Variants in ZNF85 observed in about 807,000 individuals in gnomAD.
The protein encoded by ZNF85 is zinc finger protein 85, also known as zinc finger protein 85 (HPF4, HTF1).
In ZNF85, 50 loss-of-function variants were observed where a neutral mutation model predicts 53.9. The observed-to-expected ratio is 0.93, with a 90% CI of 0.74 to 1.17. ZNF85 has a LOEUF of 1.17. Among genes scored for constraint, ZNF85 ranks in the 50% most tolerant of loss-of-function variants. ZNF85 has a pLI of 0.00. For missense variants in ZNF85, 747 were observed against 688.5 expected (o/e 1.08, Z -0.95); for synonymous variants, 225 against 226.1 (o/e 1.00, Z 0.04).
In ZNF85 at chr19:20,950,294, CA is replaced by C; in HGVS notation, c.1783del (p.Ile595TyrfsTer27). The part of the protein sequence containing the change: ...HKIIHTGEKL[Q>X]I Reference sequence around the variant, plus strand: ...GATAATTCATACCGGAGAAAAATTACAAATATGAAAATTATGGCAAAGCTTT... The same window carrying C: ...GATAATTCATACCGGAGAAAAATTACAATATGAAAATTATGGCAAAGCTTT... On this transcript the variant is annotated frameshift_variant, in exon 4 of 4. Coordinates refer to ENST00000328178, the MANE Select transcript of ZNF85 (RefSeq NM_003429.5). LOFTEE classifies it high-confidence loss of function. 2 of 1,519,612 alleles carry C rather than the reference CA, an allele frequency of 1.3e-6. No individual in the cohort carries two copies. The highest frequency in any genetic ancestry group is 8.8e-7 in the Non-Finnish European group (1 of 1,136,994). 94.1% of individuals were successfully genotyped at this position (1,519,612 alleles called of 1,614,324 possible). A position where few individuals can be genotyped will look rare whatever the true frequency, so the allele number is the denominator to read the frequency against.
At chr19:20,925,065 G>A (rs1389148833) in intron 1 of ZNF85, among the ~76,000 whole-genome samples, 1 of 152,174 alleles carries the variant, frequency 6.6e-6, no homozygotes, top group Non-Finnish European at 1.5e-5. Context: ...CCTGAGGTAT[G>A]AAGTGTATCC....
intron 3 of ZNF85, among the ~76,000 whole-genome samples, chr19:20,944,642 CTA>C (rs773078588): frequency 1.4e-4 from 21 of 147,996 alleles, no homozygotes; most frequent in Non-Finnish European, 2.9e-4. Flanking sequence ...CTATATTATT[CTA>C]TGATTTTTTT....
chr19:20,923,640 T>C (rs74183002), intron 1 of ZNF85, among the ~76,000 whole-genome samples: 14,041 of 152,206 alleles, frequency 0.092, 787 homozygotes, highest in Non-Finnish European at 0.12. Context: ...GAGCCCTCTC[T>C]GGGCAGCTCT....
chr19:20,947,402 G>C (rs1973446625), intron 3 of ZNF85, among the ~76,000 whole-genome samples: 2 of 147,180 alleles, frequency 1.4e-5, no homozygotes, highest in Non-Finnish European at 3.0e-5. Context: ...AGAAAGTTAT[G>C]CATTTTTATG....
At chr19:20,925,385 A>T (rs948227404) in intron 1 of ZNF85, among the ~76,000 whole-genome samples, 4 of 147,310 alleles carry the variant, frequency 2.7e-5, no homozygotes, top group African/African-American at 1.0e-4. Flanking sequence ...TGAACCCGGG[A>T]GGTGGAGGTT....
chr19:20,946,184 A>G (rs1403068674), intron 3 of ZNF85: 1 of 200,292 alleles, frequency 5.0e-6, no homozygotes, highest in East Asian at 1.5e-4. Flanking sequence ...TACATTGAGC[A>G]GTATGAACAT....
chr19:20,926,373 A>C (rs10416168), intron 1 of ZNF85, among the ~76,000 whole-genome samples: 65,408 of 151,946 alleles, frequency 0.43, 14,668 homozygotes, highest in East Asian at 0.56. Context: ...AAATAATAAA[A>C]TAATACATTT....
chr19:20,946,516 A>G (rs1308794875), intron 3 of ZNF85: 1 of 222,692 alleles, frequency 4.5e-6, no homozygotes, highest in Non-Finnish European at 8.9e-6. Flanking sequence ...TGTTTCATCG[A>G]TTCTGTCAAT....
intron 3 of ZNF85, among the ~76,000 whole-genome samples, chr19:20,946,575 C>T (rs761198449): frequency 8.7e-5 from 13 of 149,370 alleles, no homozygotes; most frequent in Non-Finnish European, 1.3e-4. Context: ...CACATGCACA[C>T]ACACACACAC....
chr19:20,946,294 T>TAACA (rs763472016), intron 3 of ZNF85: 7 of 404,316 alleles, frequency 1.7e-5, no homozygotes, highest in South Asian at 1.3e-4. Flanking sequence ...TTTTTTGTCC[T>TAACA]AACAGGTTGT....
At chr19:20,925,264 A>G (rs1029997825) in intron 1 of ZNF85, among the ~76,000 whole-genome samples, 1 of 151,958 alleles carries the variant, frequency 6.6e-6, no homozygotes, top group Non-Finnish European at 1.5e-5. Flanking sequence ...TGAGACCAGC[A>G]TGGCCAATAT....
At position 20,950,376 on chromosome 19, in the gene ZNF85, T is replaced by A; in HGVS notation, c.*74T>A. The A allele has an allele frequency of 9.6e-7, 1 of 1,045,646 alleles. No homozygotes were observed. The highest frequency in any genetic ancestry group is 1.3e-6 in the Non-Finnish European group (1 of 742,182). 64.8% of individuals were successfully genotyped at this position (1,045,646 alleles called of 1,614,324 possible). ...AAAATTTATACTGGAGAGAAACTAC[T>A]AACCTGAAAGATGTGACAATAATTT... On this transcript the variant is annotated 3_prime_UTR_variant, in exon 4 of 4. Coordinates refer to ENST00000328178, the MANE Select transcript of ZNF85 (RefSeq NM_003429.5).
In ZNF85 at chr19:20,927,175, T is replaced by C. The variant is rs377187470; in HGVS notation, c.3+3772T>C. The C allele has an allele frequency of 1.6e-4, 24 of 152,306 alleles. 1 individual carries two copies. Among genetic ancestry groups the C allele is most frequent in the African/African-American group, 5.5e-4 (23 of 41,570 alleles). The allele number at this position is 152,306 out of a possible 1,614,324, so 9.4% of individuals were successfully genotyped here. A position where few individuals can be genotyped will look rare whatever the true frequency, so the allele number is the denominator to read the frequency against. On this transcript the variant is annotated intron_variant, in intron 1 of 3. Transcript: ENST00000328178. ...GTTTGATTAAGAAGTATTTTATTTC[T>C]GTGCGTGGTGGCTCACACCTGTAAT...
intron 1 of ZNF85, 94 bp downstream of exon 1, chr19:20,923,497 A>T (rs1027753212): frequency 1.9e-6 from 3 of 1,592,724 alleles, no homozygotes; most frequent in African/African-American, 2.7e-5. Context: ...CCCTGTAGTC[A>T]GCTCCACAAT....
chr19:20,924,235 T>TA lies in ZNF85; in HGVS notation c.3+839dup, dbSNP rs943357350. Reference sequence around the variant, plus strand: ...TAAAAGACTTTTATAAGGTGCATGATAAAAAAATCAAATTAGTAATTGGTT... The same window carrying TA: ...TAAAAGACTTTTATAAGGTGCATGATAAAAAAAATCAAATTAGTAATTGGTT... On this transcript the variant is annotated intron_variant, in intron 1 of 3. Coordinates refer to ENST00000328178, the MANE Select transcript of ZNF85 (RefSeq NM_003429.5). Among the ~76,000 whole-genome samples, 24 of 152,244 alleles carry TA rather than the reference T, an allele frequency of 1.6e-4. No homozygotes were observed. In the South Asian group the frequency reaches 2.7e-3, roughly 17 times the overall value.
chr19:20,924,974 C>T (rs187040353), intron 1 of ZNF85, among the ~76,000 whole-genome samples: 9 of 152,084 alleles, frequency 5.9e-5, no homozygotes, highest in Admixed American at 2.6e-4. Context: ...GGGGATAAAC[C>T]AGGATGCCCA....
At chr19:20,943,899 A>C (rs1382330900) in intron 3 of ZNF85, 1 of 155,430 alleles carries the variant, frequency 6.4e-6, no homozygotes, top group Non-Finnish European at 1.4e-5. Flanking sequence ...TAAAGCATAT[A>C]ATGTCTAATA....
chr19:20,931,623 T>TTC (rs1555793221), intron 1 of ZNF85, among the ~76,000 whole-genome samples: 3 of 113,520 alleles, frequency 2.6e-5, no homozygotes, highest in Non-Finnish European at 4.0e-5. Context: ...TCTTTTTCTT[T>TTC]TTTTTTTTTT....
intron 3 of ZNF85, among the ~76,000 whole-genome samples, chr19:20,939,816 G>T (rs111564048): frequency 0.012 from 1,813 of 152,234 alleles, 34 homozygotes; most frequent in African/African-American, 0.034. Flanking sequence ...TCTTGCCTCA[G>T]CCTCCCAAGT....
Sources: allele counts gnomAD v4.1 joint callset (sites outside exome capture counted in the v4.1 genomes callset), GRCh38; gene constraint gnomAD v4.1.1; transcripts MANE v1.5; gene names NCBI Gene and HGNC (gene_info 2026-07-23, HGNC 2026-07-21).